Variants in FLYWCH1 observed in about 807,000 individuals in gnomAD.
FLYWCH1 encodes FLYWCH-type zinc finger-containing protein 1.
A neutral mutation model predicts 66.4 loss-of-function variants in FLYWCH1; 75 were observed. The observed-to-expected ratio is 1.13, with a 90% CI of 0.94 to 1.37. The LOEUF (loss-of-function observed/expected upper bound fraction) is 1.37, where lower values mean the gene tolerates loss of function less well. FLYWCH1 is among the 40% of genes most tolerant of loss of function. FLYWCH1 has a pLI of 0.00. For missense variants in FLYWCH1, 1,334 were observed against 1,001.8 expected (o/e 1.33, Z -4.48); for synonymous variants, 595 against 429.9 (o/e 1.38, Z -4.75).
At chr16:2,943,980 C>T (rs1361505732) in intron 9 of FLYWCH1, among the ~76,000 whole-genome samples, 1 of 152,012 alleles carries the variant, frequency 6.6e-6, no homozygotes, top group African/African-American at 2.4e-5. Flanking sequence ...GGTACATGCC[C>T]AGCTACTTCG....
At chr16:2,928,624 A>G (rs1390323025) in intron 2 of FLYWCH1, among the ~76,000 whole-genome samples, 4 of 152,258 alleles carry the variant, frequency 2.6e-5, no homozygotes, top group Non-Finnish European at 5.9e-5. Flanking sequence ...ATCACAAAGC[A>G]GAGCAATTTT....
intron 2 of FLYWCH1, among the ~76,000 whole-genome samples, chr16:2,927,433 A>C (rs1208118075): frequency 6.6e-6 from 1 of 152,206 alleles, no homozygotes; most frequent in Non-Finnish European, 1.5e-5. Context: ...GGAGTTAAAC[A>C]ATATGGACCC....
At chr16:2,936,902 AG>A in intron 6 of FLYWCH1, 1 of 672,546 alleles carries the variant, frequency 1.5e-6, no homozygotes, top group Non-Finnish European at 2.6e-6. Flanking sequence ...CGCCACCTGC[AG>A]GGGCCTCACC....
At chr16:2,930,269 T>C in intron 3 of FLYWCH1, 141 bp from the exon 4 acceptor site, 1 of 642,154 alleles carries the variant, frequency 1.6e-6, no homozygotes, top group Non-Finnish European at 2.7e-6. Context: ...AAACCAGCCC[T>C]GAGAGTCTGG....
chr16:2,941,053 TGTGCCACTGCACTCCAGCCTAG>T (rs1265402627), intron 9 of FLYWCH1, among the ~76,000 whole-genome samples: 1 of 152,176 alleles, frequency 6.6e-6, no homozygotes, highest in Non-Finnish European at 1.5e-5. Context: ...GAGCCAAGAT[TGTGCCACTGCACTCCAGCCTAG>T]GTGACAAACA....
chr16:2,944,838 T>A (rs35539701), intron 9 of FLYWCH1, among the ~76,000 whole-genome samples: 9,450 of 92,662 alleles, frequency 0.1, 980 homozygotes, highest in African/African-American at 0.25. Flanking sequence ...AAAAAAAAAT[T>A]TTTTTTAACT....
intron 2 of FLYWCH1, among the ~76,000 whole-genome samples, chr16:2,926,028 C>T (rs1217677725): frequency 1.3e-5 from 2 of 152,174 alleles, no homozygotes; most frequent in African/African-American, 4.8e-5. Context: ...CATCTGCCCA[C>T]ACTCAGTTGC....
intron 9 of FLYWCH1, among the ~76,000 whole-genome samples, chr16:2,941,279 C>G (rs1442653211): frequency 6.6e-6 from 1 of 151,838 alleles, no homozygotes; most frequent in African/African-American, 2.4e-5. Flanking sequence ...AGAGCATGAC[C>G]CTGTGTGTAA....
intron 6 of FLYWCH1, chr16:2,936,691 C>T: frequency 2.2e-6 from 1 of 464,380 alleles, no homozygotes; most frequent in Non-Finnish European, 4.3e-6. Context: ...GGTCACACCT[C>T]TACCTGCGCG....
intron 6 of FLYWCH1, chr16:2,934,865 A>G: frequency 3.6e-6 from 1 of 274,010 alleles, no homozygotes; most frequent in Non-Finnish European, 7.3e-6. Context: ...CTCCACTACT[A>G]TTAATTGGTT....
In FLYWCH1 at chr16:2,930,667, C is replaced by T; in HGVS notation, c.583C>T (p.Leu195=). 1.3e-6 allele frequency: 2 copies of T among 1,545,680 alleles called. No homozygotes were observed. The highest frequency in any genetic ancestry group is 1.7e-6 in the Non-Finnish European group (2 of 1,147,148). ...RQREKLPSLA[L]PEGLGEPQGP... ...GAGGGAGAAACTGCCCAGCCTGGCCCTGCCAGAGGGCTTGGGAGAGCCCCA... is the reference window on the plus strand; with the variant it reads ...GAGGGAGAAACTGCCCAGCCTGGCCTTGCCAGAGGGCTTGGGAGAGCCCCA... Residue 195 remains leucine (L), a synonymous_variant, in exon 4 of 10, where the codon CTG becomes TTG. Transcript: ENST00000253928.
At position 2,930,873 on chromosome 16, in the gene FLYWCH1, G is replaced by C; in HGVS notation, c.789G>C (p.Leu263=). Residue 263 remains leucine, a synonymous_variant, in exon 4 of 10, where the codon CTG becomes CTC. Transcript: ENST00000253928. ...TGCCGCCCAAGAAGCGCTCGATCCT[G>C]GGGCTGGGTGAGTACAATCCACTCC... is the stretch of plus-strand genomic sequence containing the variant. ...LSLPPKKRSI[L]GLGQARPLEF... The C allele has an allele frequency of 6.3e-7, 1 of 1,589,548 alleles. No homozygotes were observed. Among genetic ancestry groups the C allele is most frequent in the Non-Finnish European group, 8.5e-7 (1 of 1,173,034 alleles).
At position 2,930,933 on chromosome 16, in the gene FLYWCH1, G is replaced by GT. The variant is rs2150950559; in HGVS notation, c.796+53_796+54insT. 3.6e-6 allele frequency: 5 copies of GT among 1,395,206 alleles called. No individual in the cohort carries two copies. The East Asian group carries it at 1.3e-4, about 35-fold the overall frequency. 86.4% of individuals were successfully genotyped at this position (1,395,206 alleles called of 1,614,324 possible). A position where few individuals can be genotyped will look rare whatever the true frequency, so the allele number is the denominator to read the frequency against. On this transcript the variant is annotated intron_variant, in intron 4 of 9. Transcript: ENST00000253928. The stretch of plus-strand genomic sequence containing the variant: ...TCCACTCGGGGCAGGGGACCCGAGG[G>GT]CCCTTCCTCAGCCCAAATAGAAATG...
At chr16:2,935,736 G>A (rs1439186801) in intron 6 of FLYWCH1, 2 of 152,048 alleles carry the variant, frequency 1.3e-5, no homozygotes, top group African/African-American at 4.8e-5. Context: ...CTTTGCTTGA[G>A]GTTTTAGGGT....
At chr16:2,912,914 A>G (rs577152595) in intron 1 of FLYWCH1, 1 of 152,098 alleles carries the variant, frequency 6.6e-6, no homozygotes, top group Non-Finnish European at 1.5e-5. Flanking sequence ...TTATTTGCAT[A>G]TTTCTGCTTT....
chr16:2,932,513 GGGACATGGGCTTGGGTTCGAGGA>G (rs1419023772), intron 4 of FLYWCH1, among the ~76,000 whole-genome samples: 44 of 152,192 alleles, frequency 2.9e-4, no homozygotes, highest in Admixed American at 4.6e-4. Flanking sequence ...ACCAGTAACT[GGGACATGGGCTTGGGTTCGAGGA>G]GGCCACGTGG....
chr16:2,929,931 C>G lies in FLYWCH1; in HGVS notation c.246C>G (p.Ile82Met). The change falls in exon 3 of 10, where the codon ATC (isoleucine) becomes ATG (methionine). Residue 82 changes from isoleucine to methionine, a missense_variant. Coordinates refer to ENST00000253928, the MANE Select transcript of FLYWCH1 (RefSeq NM_001308068.2). ...GPATLASTLQ[I>M]LPVEEQGGVV... The stretch of plus-strand genomic sequence containing the variant: ...CCACCCTCGCCAGCACCTTGCAGAT[C>G]CTGCCAGTTGAGGAGCAGGGAGGGG... The G allele has an allele frequency of 3.1e-6, 5 of 1,613,694 alleles. No homozygotes were observed. Among genetic ancestry groups the G allele is most frequent in the South Asian group, 2.2e-5 (2 of 91,082 alleles).
chr16:2,912,519 C>T (rs978475904), intron 1 of FLYWCH1, among the ~76,000 whole-genome samples: 1 of 152,216 alleles, frequency 6.6e-6, no homozygotes, highest in Admixed American at 6.5e-5. Flanking sequence ...GGTCGGGACG[C>T]ACCCCGCTCC....
rs534891725 is a variant in FLYWCH1 at position 2,930,634 on chromosome 16, C to T, written c.550C>T (p.Arg184Trp). The T allele has an allele frequency of 5.0e-5, 78 of 1,548,564 alleles. No individual in the cohort carries two copies. Among genetic ancestry groups the T allele is most frequent in the Middle Eastern group, 1.9e-4 (1 of 5,166 alleles). ...HAPDEQGLEA[R>W]RQREKLPSLA... ...GCCCGATGAGCAAGGCCTGGAGGCC[C>T]GGCGCCAGAGGGAGAAACTGCCCAG... The change falls in exon 4 of 10, where the codon CGG becomes TGG. Residue 184 changes from arginine to tryptophan, a missense_variant. Coordinates refer to ENST00000253928, the MANE Select transcript of FLYWCH1 (RefSeq NM_001308068.2).
Sources: gnomAD v4.1 joint callset for allele counts (sites outside exome capture counted in the v4.1 genomes callset) on GRCh38, gnomAD v4.1.1 for gene constraint, MANE v1.5 for transcripts, NCBI Gene and HGNC (gene_info 2026-07-23, HGNC 2026-07-21) for gene names.